Variants in KLHL24 observed in about 807,000 individuals in gnomAD.
KLHL24 encodes the protein kelch-like protein 24.
A neutral mutation model predicts 53.4 loss-of-function variants in KLHL24; 29 were observed. That is an observed-to-expected ratio of 0.54 (90% CI 0.40 to 0.74). The LOEUF is 0.74. Among genes scored for constraint, KLHL24 ranks in the 30% least tolerant of loss-of-function variants. The pLI is 0.00. For missense variants in KLHL24, 504 were observed against 744.0 expected, an observed-to-expected ratio of 0.68 and a Z score of 3.75; for synonymous variants, 222 against 253.7, an observed-to-expected ratio of 0.88 and a Z score of 1.19.
At chr3:183,668,059 T>C (rs765066139) in intron 5 of KLHL24, among the ~76,000 whole-genome samples, 40 of 148,950 alleles carry the variant, frequency 2.7e-4, no homozygotes, top group Non-Finnish European at 5.3e-4. Context: ...CTGGATCTAG[T>C]GTGCTGCTGC....
At chr3:183,636,887 T>C (rs1185559889) in intron 1 of KLHL24, among the ~76,000 whole-genome samples, 6 of 151,746 alleles carry the variant, frequency 4.0e-5, no homozygotes, top group Admixed American at 1.3e-4. Flanking sequence ...CCGCCGCCGC[T>C]GCTGCTGCCT....
Position 183,665,046 on chromosome 3 carries a change from G to A in KLHL24, c.1224+7G>A. ...GGCTGTCCTCCTTGGTAAAGTAAGA[G>A]AAACCACTTTTTATTACTATTGCTG... is the stretch of plus-strand genomic sequence containing the variant. On this transcript the variant is annotated splice_region_variant and intron_variant, in intron 5 of 7. Transcript: ENST00000242810. 6.9e-7 allele frequency: 1 copy of A among 1,446,940 alleles called. No homozygotes were observed. Among genetic ancestry groups the A allele is most frequent in the Non-Finnish European group, 9.7e-7 (1 of 1,030,478 alleles). 89.6% of individuals were successfully genotyped at this position (1,446,940 alleles called of 1,614,324 possible).
rs1222927686 is a variant in KLHL24, at chr3:183,684,298, G to A, written c.*5012G>A. ...TGCTTTACAACTAGTATAGACCTAA[G>A]GTCATTTGCTTTCAATTAGAGGCTC... On this transcript the variant is annotated 3_prime_UTR_variant, in exon 8 of 8. Transcript: ENST00000242810. 6.6e-6 allele frequency: 1 copy of A among 152,506 alleles called. No individual in the cohort carries two copies. The highest frequency in any genetic ancestry group is 1.5e-5 in the Non-Finnish European group (1 of 68,002). The allele number at this position is 152,506 out of a possible 1,614,324, so 9.4% of individuals were successfully genotyped here. A position where few individuals can be genotyped will look rare whatever the true frequency, so the allele number is the denominator to read the frequency against.
At chr3:183,661,914 T>C (rs1019812902) in intron 3 of KLHL24, among the ~76,000 whole-genome samples, 10 of 152,182 alleles carry the variant, frequency 6.6e-5, no homozygotes, top group African/African-American at 2.4e-4. Flanking sequence ...AATATCACCT[T>C]TTTTGAGGAT....
Position 183,682,542 on chromosome 3 carries a change from ATAATCT to A in KLHL24, c.*3258_*3263del, listed in dbSNP as rs1712786397. 1 of 152,612 alleles carries A rather than the reference ATAATCT, an allele frequency of 6.6e-6. No individual in the cohort carries two copies. The highest frequency in any genetic ancestry group is 2.4e-5 in the African/African-American group (1 of 41,442). 9.5% of individuals were successfully genotyped at this position (152,612 alleles called of 1,614,324 possible). Reference sequence around the variant, plus strand: ...TTGGGGTGTAAAGTGCCATGACTGAATAATCTTCAATTCATGATTCTAGAGTAAGTT... The same window carrying A: ...TTGGGGTGTAAAGTGCCATGACTGAATCAATTCATGATTCTAGAGTAAGTT... On this transcript the variant is annotated 3_prime_UTR_variant, in exon 8 of 8. Transcript: ENST00000242810.
chr3:183,644,114 C>T, intron 2 of KLHL24: 1 of 137,210 alleles, frequency 7.3e-6, no homozygotes, highest in East Asian at 2.1e-4. Flanking sequence ...GATCTCGGCT[C>T]ACTGCAACCT....
chr3:183,665,572 A>G (rs1560175372), intron 5 of KLHL24, among the ~76,000 whole-genome samples: 1 of 152,110 alleles, frequency 6.6e-6, no homozygotes, highest in Non-Finnish European at 1.5e-5. Context: ...AATGTGGTGA[A>G]ACCCCATCTC....
chr3:183,642,640 G>A (rs113356790), intron 1 of KLHL24, among the ~76,000 whole-genome samples: 5 of 145,800 alleles, frequency 3.4e-5, no homozygotes, highest in Non-Finnish European at 6.0e-5. Flanking sequence ...GAATTGTGCC[G>A]AATTAGTTGG....
rs747088393 is a variant in KLHL24 at position 183,650,948 on chromosome 3, G to A, written c.592G>A (p.Val198Ile). The A allele has an allele frequency of 4.3e-6, 7 of 1,614,070 alleles. No homozygotes were observed. Among genetic ancestry groups the A allele is most frequent in the Non-Finnish European group, 5.1e-6 (6 of 1,180,042 alleles). The change falls in exon 3 of 8, where the codon GTA becomes ATA. Residue 198 changes from valine (V) to isoleucine (I), a missense_variant. Transcript: ENST00000242810. This position sits in a 1 kb window ranked among gnomAD's most constrained non-coding sequence, Gnocchi z 4.5. ...KNFALQTFED[V>I]SQHEEFLELD... ...TTTTGCGTTACAGACTTTTGAGGAT[G>A]TATCCCAGCACGAAGAATTTCTTGA... is the stretch of plus-strand genomic sequence containing the variant.
At position 183,663,050 on chromosome 3, in the gene KLHL24, G is replaced by C. The variant is rs1481451804; in HGVS notation, c.921-408G>C. ...AGTTTTTTAGAACTAGCAAGCTGAT[G>C]AAAGAGCACCATTTTCCTACAGTTA... On this transcript the variant is annotated intron_variant, in intron 3 of 7. Transcript: ENST00000242810. The surrounding 1 kb of genome is among the most constrained non-coding windows in gnomAD (Gnocchi z 4.9). Among the ~76,000 whole-genome samples the C allele has an allele frequency of 6.6e-6, 1 of 152,154 alleles. No individual in the cohort carries two copies. Among genetic ancestry groups the C allele is most frequent in the Admixed American group, 6.6e-5 (1 of 15,264 alleles).
rs1211360162 is a variant in KLHL24, at chr3:183,681,115, TAAC to T, written c.*1835_*1837del. 15 of 152,160 alleles carry T rather than the reference TAAC, an allele frequency of 9.9e-5. No homozygotes were observed. Among genetic ancestry groups the T allele is most frequent in the East Asian group, 3.9e-4 (2 of 5,194 alleles). The allele number at this position is 152,160 out of a possible 1,614,324, so 9.4% of individuals were successfully genotyped here. A position where few individuals can be genotyped will look rare whatever the true frequency, so the allele number is the denominator to read the frequency against. ...TAAAATGATAGATACCATTTTGTGATAACAACAATTCAGAAAACAATTTTCTAT... is the reference window on the plus strand; with the variant it reads ...TAAAATGATAGATACCATTTTGTGATAACAATTCAGAAAACAATTTTCTAT... On this transcript the variant is annotated 3_prime_UTR_variant, in exon 8 of 8. Coordinates refer to ENST00000242810, the MANE Select transcript of KLHL24 (RefSeq NM_017644.3).
chr3:183,655,786 G>T (rs1304300289), intron 3 of KLHL24, among the ~76,000 whole-genome samples: 1 of 152,034 alleles, frequency 6.6e-6, no homozygotes, highest in Non-Finnish European at 1.5e-5. Context: ...AGCAGACATG[G>T]TGGAGCGTGC....
At chr3:183,648,145 T>G (rs1017589643) in intron 2 of KLHL24, among the ~76,000 whole-genome samples, 3 of 152,180 alleles carry the variant, frequency 2.0e-5, no homozygotes, top group African/African-American at 7.2e-5. Flanking sequence ...AAAGCTGCAA[T>G]ATTAAGTAAA....
chr3:183,646,540 TC>T lies in KLHL24; in HGVS notation c.-62+3000del, dbSNP rs544884037. ...GGGATAGACAGAGAAACAGAAAAGA[TC>T]CTGTATAGCATGCAAGCATTTAGGT... On this transcript the variant is annotated intron_variant, in intron 2 of 7. Transcript: ENST00000242810. 4.1e-4 allele frequency among the ~76,000 whole-genome samples: 63 copies of T among 152,248 alleles called. No individual in the cohort carries two copies. In the East Asian group the frequency reaches 0.011, roughly 28 times the overall value.
At chr3:183,676,397 T>A (rs1376096433) in intron 7 of KLHL24, among the ~76,000 whole-genome samples, 2 of 152,196 alleles carry the variant, frequency 1.3e-5, no homozygotes, top group Admixed American at 6.5e-5. Flanking sequence ...CACCTGGCCT[T>A]ATGCACATGT....
Position 183,681,684 on chromosome 3 carries a change from A to G in KLHL24, c.*2398A>G, listed in dbSNP as rs937268815. 1.3e-5 allele frequency: 2 copies of G among 152,340 alleles called. No individual in the cohort carries two copies. Among genetic ancestry groups the G allele is most frequent in the African/African-American group, 4.8e-5 (2 of 41,452 alleles). 9.4% of individuals were successfully genotyped at this position (152,340 alleles called of 1,614,324 possible). The stretch of plus-strand genomic sequence containing the variant: ...ACTATTTTTAAAGTTACCCAACTTA[A>G]TATTTTAATTTTTTAATATTTATCT... On this transcript the variant is annotated 3_prime_UTR_variant, in exon 8 of 8. Coordinates refer to ENST00000242810, the MANE Select transcript of KLHL24 (RefSeq NM_017644.3).
At chr3:183,647,943 T>G (rs1310741729) in intron 2 of KLHL24, among the ~76,000 whole-genome samples, 1 of 151,928 alleles carries the variant, frequency 6.6e-6, no homozygotes, top group Non-Finnish European at 1.5e-5. Context: ...GAGGCAGAGG[T>G]TGCAGTGAGC....
intron 2 of KLHL24, among the ~76,000 whole-genome samples, chr3:183,648,191 A>G (rs1444438406): frequency 2.0e-5 from 3 of 152,188 alleles, no homozygotes; most frequent in Non-Finnish European, 4.4e-5. Flanking sequence ...GCAAGTATCT[A>G]GTGAATATTG....
chr3:183,639,987 T>G (rs1327779623), intron 1 of KLHL24, among the ~76,000 whole-genome samples: 4 of 152,218 alleles, frequency 2.6e-5, no homozygotes, highest in Non-Finnish European at 5.9e-5. Context: ...ATTGTGCCAC[T>G]GCACTCAATC....
Sources: allele counts gnomAD v4.1 joint callset (sites outside exome capture counted in the v4.1 genomes callset), GRCh38; gene constraint gnomAD v4.1.1; non-coding constraint Gnocchi (gnomAD v3.1); transcripts MANE v1.5; gene names NCBI Gene and HGNC (gene_info 2026-07-23, HGNC 2026-07-21).